The following LRRC72 variants were observed in gnomAD, a reference collection of about 807,000 sequenced individuals.
The protein encoded by LRRC72 is leucine rich repeat containing 72, also known as leucine-rich repeat-containing protein 72.
LRRC72 carries 41 observed loss-of-function variants against 35.8 expected under a neutral mutation model. That is an observed-to-expected ratio of 1.15 (90% CI 0.89 to 1.49). The LOEUF is 1.49. Ranked by LOEUF, LRRC72 falls within the 40% of genes most tolerant of loss-of-function variation. The pLI is 0.00. For missense variants in LRRC72, 389 were observed against 330.7 expected (o/e 1.18, Z -1.37); for synonymous variants, 118 against 119.2 (o/e 0.99, Z 0.07).
Position 16,526,976 on chromosome 7 carries a change from G to T in LRRC72, c.24G>T (p.Val8=), listed in dbSNP as rs931036277. The T allele has an allele frequency of 1.3e-5, 20 of 1,539,846 alleles. No individual in the cohort carries two copies. Among genetic ancestry groups the T allele is most frequent in the African/African-American group, 6.8e-5 (5 of 73,048 alleles). Reference sequence around the variant, plus strand: ...TGATGTCCTGGGACCCGAACCCCGTGCCCCGTACCTTGCGATGCTGGCGCC... The same window carrying T: ...TGATGTCCTGGGACCCGAACCCCGTTCCCCGTACCTTGCGATGCTGGCGCC... MSWDPNP[V]PRTLRCWRLR... Residue 8 remains valine, a synonymous_variant, in exon 1 of 9, where the codon GTG becomes GTT. Coordinates refer to ENST00000401542, the MANE Select transcript of LRRC72 (RefSeq NM_001195280.2).
intron 3 of LRRC72, 52 bp downstream of exon 3, chr7:16,537,748 T>C (rs1269233430): frequency 1.0e-5 from 11 of 1,091,532 alleles, no homozygotes; most frequent in Non-Finnish European, 1.4e-5. Context: ...CTATCTTAAT[T>C]TTGTATTCCT....
intron 3 of LRRC72, among the ~76,000 whole-genome samples, chr7:16,538,566 A>G (rs972520462): frequency 2.6e-5 from 4 of 152,146 alleles, no homozygotes; most frequent in African/African-American, 9.7e-5. Context: ...AGACTCACAT[A>G]TCTTTGTCCT....
At chr7:16,527,138 T>TCCCCTCCAAATTCA in intron 1 of LRRC72, 96 bp downstream of exon 1, 1 of 930,710 alleles carries the variant, frequency 1.1e-6, no homozygotes, top group South Asian at 1.5e-5. Flanking sequence ...GTACTGAATT[T>TCCCCTCCAAATTCA]GGAGGGGAAT....
chr7:16,537,500 G>A, intron 2 of LRRC72, 127 bp from the exon 3 acceptor site: 2 of 482,016 alleles, frequency 4.1e-6, no homozygotes, highest in East Asian at 6.8e-5. Context: ...AGGTGAGTGT[G>A]CCAATAATTT....
intron 7 of LRRC72, among the ~76,000 whole-genome samples, chr7:16,569,974 G>T (rs1390986909): frequency 6.6e-6 from 1 of 151,612 alleles, no homozygotes; most frequent in Admixed American, 6.6e-5. Context: ...AGGTTGCAGC[G>T]AGCCGAGATC....
intron 5 of LRRC72, among the ~76,000 whole-genome samples, chr7:16,564,883 A>G (rs763838513): frequency 1.3e-5 from 2 of 152,124 alleles, no homozygotes; most frequent in Non-Finnish European, 2.9e-5. Context: ...TATGTTACAA[A>G]CTGCTCTTTA....
At chr7:16,527,322 C>A (rs759085144) in intron 1 of LRRC72, among the ~76,000 whole-genome samples, 1 of 152,182 alleles carries the variant, frequency 6.6e-6, no homozygotes, top group Non-Finnish European at 1.5e-5. Flanking sequence ...GGTTTGAGGA[C>A]TTCCCAGTCC....
chr7:16,576,735 C>A (rs1783047640), intron 7 of LRRC72, among the ~76,000 whole-genome samples: 1 of 152,140 alleles, frequency 6.6e-6, no homozygotes, highest in African/African-American at 2.4e-5. Flanking sequence ...TACCAACAAG[C>A]TTTTAAAATG....
chr7:16,562,320 G>A lies in LRRC72; in HGVS notation c.427+3321G>A, dbSNP rs529127954. Among the ~76,000 whole-genome samples the A allele has an allele frequency of 5.4e-4, 82 of 152,134 alleles. 1 individual carries two copies. In the South Asian group the frequency reaches 5.8e-3, roughly 11 times the overall value. ...TCAAAGACCCACTTTGTGGCTGATG[G>A]CTTTTATTAACTCCTGCCCCCTTTC... is the stretch of plus-strand genomic sequence containing the variant. On this transcript the variant is annotated intron_variant, in intron 5 of 8. Coordinates refer to ENST00000401542, the MANE Select transcript of LRRC72 (RefSeq NM_001195280.2).
intron 7 of LRRC72, among the ~76,000 whole-genome samples, chr7:16,570,484 A>ACT (rs1782924192): frequency 2.0e-5 from 3 of 152,120 alleles, no homozygotes; most frequent in Admixed American, 2.0e-4. Context: ...CCATAATGTC[A>ACT]CTCTCACACC....
In LRRC72 at chr7:16,567,220, T is replaced by C. The variant is rs573324044; in HGVS notation, c.518-171T>C. On this transcript the variant is annotated intron_variant, in intron 6 of 8. Transcript: ENST00000401542. ...GACATGTGGGGTGTATATTGAGTGC[T>C]TGTAAGATTATGGAAATAAGCGTGA... 1.8e-3 allele frequency among the ~76,000 whole-genome samples: 280 copies of C among 152,272 alleles called. 2 individuals carry two copies. The highest frequency in any genetic ancestry group is 6.5e-3 in the African/African-American group (271 of 41,576).
intron 3 of LRRC72, among the ~76,000 whole-genome samples, chr7:16,547,231 C>T (rs1229978897): frequency 6.6e-6 from 1 of 152,124 alleles, no homozygotes. Context: ...CCCACCAGAG[C>T]CTGCCACCCT....
Position 16,581,500 on chromosome 7 carries a change from T to A in LRRC72, c.*11T>A. 5 of 1,533,410 alleles carry A rather than the reference T, an allele frequency of 3.3e-6. No homozygotes were observed. The highest frequency in any genetic ancestry group is 4.4e-6 in the Non-Finnish European group (5 of 1,139,588). 95.0% of individuals were successfully genotyped at this position (1,533,410 alleles called of 1,614,324 possible). The stretch of plus-strand genomic sequence containing the variant: ...GTTACACTGAGATAAGCCCTGGTAT[T>A]TCTAGATATCTTAGTGGTTTTCAGT... On this transcript the variant is annotated 3_prime_UTR_variant, in exon 9 of 9. Transcript: ENST00000401542.
At chr7:16,528,957 G>A (rs986604385) in intron 1 of LRRC72, among the ~76,000 whole-genome samples, 1 of 152,100 alleles carries the variant, frequency 6.6e-6, no homozygotes, top group African/African-American at 2.4e-5. Context: ...ATCAGAATTA[G>A]ACTTTCTCAC....
At chr7:16,574,113 C>T (rs1413129994) in intron 7 of LRRC72, among the ~76,000 whole-genome samples, 1 of 152,136 alleles carries the variant, frequency 6.6e-6, no homozygotes, top group Non-Finnish European at 1.5e-5. Flanking sequence ...CCAACTCATG[C>T]CAGTTAGAAT....
rs547022000 is a variant in LRRC72 at position 16,579,468 on chromosome 7, C to T, written c.671-606C>T. 1.5e-4 allele frequency among the ~76,000 whole-genome samples: 23 copies of T among 152,194 alleles called. No homozygotes were observed. The South Asian group carries it at 4.4e-3, about 29-fold the overall frequency. ...GGTGCTAGTAAAATCCATCTCTGTA[C>T]GGGCCCTAGGCTTTCCGGAGGGAAA... On this transcript the variant is annotated intron_variant, in intron 7 of 8. Transcript: ENST00000401542.
chr7:16,576,328 TA>T (rs1583655352), intron 7 of LRRC72, among the ~76,000 whole-genome samples: 1 of 152,132 alleles, frequency 6.6e-6, no homozygotes, highest in South Asian at 2.1e-4. Context: ...GGTGACATTC[TA>T]AAAAATTATA....
At chr7:16,553,562 C>T (rs1782592848) in intron 3 of LRRC72, among the ~76,000 whole-genome samples, 1 of 152,200 alleles carries the variant, frequency 6.6e-6, no homozygotes, top group Non-Finnish European at 1.5e-5. Flanking sequence ...ATCAGCATTT[C>T]TCAACTGAGA....
At chr7:16,553,039 T>C (rs914587961) in intron 3 of LRRC72, among the ~76,000 whole-genome samples, 3 of 152,212 alleles carry the variant, frequency 2.0e-5, no homozygotes, top group African/African-American at 7.2e-5. Flanking sequence ...TTCTGTTTAT[T>C]TTTACAATTT....
Sources: allele counts gnomAD v4.1 joint callset (sites outside exome capture counted in the v4.1 genomes callset), GRCh38; gene constraint gnomAD v4.1.1; transcripts MANE v1.5; gene names NCBI Gene and HGNC (gene_info 2026-07-23, HGNC 2026-07-21).